Variants in BTNL2 observed in about 807,000 individuals in gnomAD.
BTNL2 encodes butyrophilin-like protein 2.
A neutral mutation model predicts 46.8 loss-of-function variants in BTNL2; 46 were observed. That is an observed-to-expected ratio of 0.98 (90% CI 0.78 to 1.26). The LOEUF is 1.26. BTNL2 is among the 50% of genes most tolerant of loss of function. The pLI is 0.00. For synonymous variants in BTNL2, 226 were observed against 229.1 expected (o/e 0.99, Z 0.12); for missense variants, 461 against 592.6 (o/e 0.78, Z 2.31).
At chr6:32,398,909 T>C (rs968245013) in intron 4 of BTNL2, among the ~76,000 whole-genome samples, 1 of 148,352 alleles carries the variant, frequency 6.7e-6, no homozygotes, top group Admixed American at 6.9e-5. Context: ...GGAGCCACTA[T>C]GCCTAACCCA....
In BTNL2 at chr6:32,396,240, C is replaced by A; in HGVS notation, c.877G>T (p.Val293Leu). Residue 293 changes from valine to leucine, a missense_variant, in exon 5 of 8, where the codon GTG (valine) becomes TTG (leucine). By Grantham distance (32) the Val-to-Leu change is conservative. Coordinates refer to ENST00000454136, the MANE Select transcript of BTNL2 (RefSeq NM_001304561.2). This position sits in a 1 kb window ranked among gnomAD's most constrained non-coding sequence, Gnocchi z 4.4. ...DRSHRYPAVH[V>L]YMDGDHVAGE... ...GCCACATGGTCCCCATCCATATACA[C>A]ATGCACAGCAGGGTAACGGTGGGAT... 1.9e-6 allele frequency: 3 copies of A among 1,613,104 alleles called. No homozygotes were observed. Among genetic ancestry groups the A allele is most frequent in the Non-Finnish European group, 2.5e-6 (3 of 1,180,026 alleles).
Position 32,396,493 on chromosome 6 carries a change from G to T in BTNL2, c.731-107C>A. ...GTTTAGAAACCATGAGCATCCCAGGGTTGCTGTGAGGCTCAGGGTCATCCT... is the reference window on the plus strand; with the variant it reads ...GTTTAGAAACCATGAGCATCCCAGGTTTGCTGTGAGGCTCAGGGTCATCCT... On this transcript the variant is annotated intron_variant, in intron 4 of 7. Coordinates refer to ENST00000454136, the MANE Select transcript of BTNL2 (RefSeq NM_001304561.2). This position sits in a 1 kb window ranked among gnomAD's most constrained non-coding sequence, Gnocchi z 4.4. 9.0e-7 allele frequency: 1 copy of T among 1,116,252 alleles called. No homozygotes were observed. The highest frequency in any genetic ancestry group is 1.3e-6 in the Non-Finnish European group (1 of 764,540). 69.1% of individuals were successfully genotyped at this position (1,116,252 alleles called of 1,614,324 possible). A position where few individuals can be genotyped will look rare whatever the true frequency, so the allele number is the denominator to read the frequency against.
Position 32,396,476 on chromosome 6 carries a change from A to G in BTNL2, c.731-90T>C. On this transcript the variant is annotated intron_variant, in intron 4 of 7. Transcript: ENST00000454136. The surrounding 1 kb of genome is among the most constrained non-coding windows in gnomAD (Gnocchi z 4.4). Reference sequence around the variant, plus strand: ...AGAACAGCTCCATTGGAGTTTAGAAACCATGAGCATCCCAGGGTTGCTGTG... The same window carrying G: ...AGAACAGCTCCATTGGAGTTTAGAAGCCATGAGCATCCCAGGGTTGCTGTG... The G allele has an allele frequency of 1.6e-6, 2 of 1,285,772 alleles. No individual in the cohort carries two copies. The highest frequency in any genetic ancestry group is 2.2e-6 in the Non-Finnish European group (2 of 917,508). 79.6% of individuals were successfully genotyped at this position (1,285,772 alleles called of 1,614,324 possible).
Position 32,405,797 on chromosome 6 carries a change from T to C in BTNL2, c.80-511A>G, listed in dbSNP as rs1004106355. Among the ~76,000 whole-genome samples, 4 of 133,954 alleles carry C rather than the reference T, an allele frequency of 3.0e-5. No individual in the cohort carries two copies. In the Admixed American group the frequency reaches 3.1e-4, roughly 10 times the overall value. 87.9% of individuals were successfully genotyped at this position (133,954 alleles called of 152,430 possible). A position where few individuals can be genotyped will look rare whatever the true frequency, so the allele number is the denominator to read the frequency against. On this transcript the variant is annotated intron_variant, in intron 1 of 7. Coordinates refer to ENST00000454136, the MANE Select transcript of BTNL2 (RefSeq NM_001304561.2). ...CTTTCAGGATTCCTCTTCTCTTAGA[T>C]ATAAAAACTGTTTTTTTTTTGTTTT...
chr6:32,394,968 G>C lies in BTNL2; in HGVS notation c.1136C>G (p.Pro379Arg). 1 of 1,613,042 alleles carries C rather than the reference G, an allele frequency of 6.2e-7. No homozygotes were observed. The highest frequency in any genetic ancestry group is 8.5e-7 in the Non-Finnish European group (1 of 1,179,420). Reference protein sequence around the residue: ...VEGQEDGEMQPMCSSDGWFPQ... With the variant: ...VEGQEDGEMQRMCSSDGWFPQ... ...GAACCACCCATCTGAAGAGCACATC[G>C]GCTGCATTTCTCCATCTTCTTGCCC... is the stretch of plus-strand genomic sequence containing the variant. The change falls in exon 6 of 8, where the codon CCG becomes CGG. Residue 379 changes from proline (P) to arginine (R), a missense_variant. Physicochemically the swap from Pro to Arg is moderately radical, Grantham distance 103. Coordinates refer to ENST00000454136, the MANE Select transcript of BTNL2 (RefSeq NM_001304561.2). This position sits in a 1 kb window ranked among gnomAD's most constrained non-coding sequence, Gnocchi z 4.6.
chr6:32,404,744 T>C (rs1009628262), intron 2 of BTNL2, among the ~76,000 whole-genome samples, 195 bp downstream of exon 2: 1 of 152,194 alleles, frequency 6.6e-6, no homozygotes, highest in African/African-American at 2.4e-5. Flanking sequence ...ACTGTGCAAA[T>C]TAAATTTGGG....
intron 5 of BTNL2, 63 bp from the exon 6 acceptor site, chr6:32,395,088 C>A: frequency 6.7e-6 from 10 of 1,483,848 alleles, no homozygotes; most frequent in Non-Finnish European, 9.0e-6. Context: ...GCAGCAATTT[C>A]ACTGGGAGGA....
intron 3 of BTNL2, among the ~76,000 whole-genome samples, chr6:32,402,334 A>G (rs1776835560): frequency 6.6e-6 from 1 of 152,206 alleles, no homozygotes; most frequent in African/African-American, 2.4e-5. Flanking sequence ...ATTTAAGGCC[A>G]GTAACTTTTA....
In BTNL2 at chr6:32,394,893, G is replaced by A. The variant is rs1776349175; in HGVS notation, c.1211C>T (p.Ser404Leu). The A allele has an allele frequency of 1.2e-6, 2 of 1,614,230 alleles. No homozygotes were observed. The highest frequency in any genetic ancestry group is 1.7e-6 in the Non-Finnish European group (2 of 1,180,034). ...WRDMEGKTIPSSSQALTQGSH... is the reference protein window; with the variant it reads ...WRDMEGKTIPLSSQALTQGSH... ...GCCTTGAGTCAGGGCCTGGGAAGAT[G>A]ATGGTATCGTCTTTCCTTCCATGTC... Residue 404 changes from serine (S) to leucine (L), a missense_variant, in exon 6 of 8, where the codon TCA (serine) becomes TTA (leucine). Coordinates refer to ENST00000454136, the MANE Select transcript of BTNL2 (RefSeq NM_001304561.2). This position sits in a 1 kb window ranked among gnomAD's most constrained non-coding sequence, Gnocchi z 4.6.
rs1405388951 is a variant in BTNL2, at chr6:32,405,256, G to A, written c.110C>T (p.Pro37Leu). The A allele has an allele frequency of 6.2e-7, 1 of 1,613,024 alleles. No individual in the cohort carries two copies. Among genetic ancestry groups the A allele is most frequent in the East Asian group, 2.2e-5 (1 of 44,878 alleles). ...EDFRVIGPAHPILAGVGEDAL... is the reference protein window; with the variant it reads ...EDFRVIGPAHLILAGVGEDAL... ...ATCTTCCCCAACCCCGGCCAGGATAGGATGAGCAGGGCCAATGACTCTAAA... is the reference window on the plus strand; with the variant it reads ...ATCTTCCCCAACCCCGGCCAGGATAAGATGAGCAGGGCCAATGACTCTAAA... Residue 37 changes from proline (P) to leucine (L), a missense_variant, in exon 2 of 8, where the codon CCT (proline) becomes CTT (leucine). Coordinates refer to ENST00000454136, the MANE Select transcript of BTNL2 (RefSeq NM_001304561.2).
intron 2 of BTNL2, among the ~76,000 whole-genome samples, chr6:32,403,417 G>A (rs557389837): frequency 2.0e-5 from 3 of 152,296 alleles, no homozygotes; most frequent in East Asian, 1.9e-4. Context: ...TTACATTTTA[G>A]CATCTGACCA....
chr6:32,406,480 C>T (rs1286858775), intron 1 of BTNL2: 1 of 151,922 alleles, frequency 6.6e-6, no homozygotes, highest in Non-Finnish European at 1.5e-5. Context: ...GCTGCATTTT[C>T]CTTAGGGCTC....
At chr6:32,400,821 G>C (rs1488324893) in intron 4 of BTNL2, among the ~76,000 whole-genome samples, 2 of 146,266 alleles carry the variant, frequency 1.4e-5, no homozygotes, top group African/African-American at 4.9e-5. Context: ...GCTGAAGCAG[G>C]AGAATAGCTT....
intron 2 of BTNL2, chr6:32,403,795 A>G (rs73400844): frequency 0.1 from 15,893 of 153,264 alleles, 964 homozygotes; most frequent in East Asian, 0.2. Context: ...TTCAATGGGT[A>G]AGATGGTTTT....
At chr6:32,402,326 T>G (rs554337584) in intron 3 of BTNL2, among the ~76,000 whole-genome samples, 68 of 152,316 alleles carry the variant, frequency 4.5e-4, no homozygotes, top group African/African-American at 1.6e-3. Flanking sequence ...TATAAGTTAT[T>G]TAAGGCCAGT....
Position 32,400,745 on chromosome 6 carries a change from T to TAAAAATACAAAAAA in BTNL2, c.730+1039_730+1040insTTTTTTGTATTTTT, listed in dbSNP as rs9281774. ...CAACATGGTGAAACCCCGTCTCTACTAAAAAAAAAAAAAAAAAATTAGCTG... is the reference window on the plus strand; with the variant it reads ...CAACATGGTGAAACCCCGTCTCTACTAAAAATACAAAAAAAAAAAAAAAAAAAAAAAATTAGCTG... On this transcript the variant is annotated intron_variant, in intron 4 of 7. Transcript: ENST00000454136. Among the ~76,000 whole-genome samples, 320 of 82,122 alleles carry TAAAAATACAAAAAA rather than the reference T, an allele frequency of 3.9e-3. 32 individuals are homozygous for TAAAAATACAAAAAA. The highest frequency in any genetic ancestry group is 5.5e-3 in the Admixed American group (42 of 7,590). 53.9% of individuals were successfully genotyped at this position (82,122 alleles called of 152,430 possible). A position where few individuals can be genotyped will look rare whatever the true frequency, so the allele number is the denominator to read the frequency against.
Position 32,394,660 on chromosome 6 carries a change from G to A in BTNL2, c.1360+84C>T. The A allele has an allele frequency of 1.4e-6, 2 of 1,446,308 alleles. No individual in the cohort carries two copies. Among genetic ancestry groups the A allele is most frequent in the East Asian group, 2.3e-5 (1 of 43,436 alleles). The allele number at this position is 1,446,308 out of a possible 1,614,324, so 89.6% of individuals were successfully genotyped here. On this transcript the variant is annotated intron_variant, in intron 6 of 7. Transcript: ENST00000454136. This position sits in a 1 kb window ranked among gnomAD's most constrained non-coding sequence, Gnocchi z 4.6. ...GAGATCAGCAAATAAAAATCACAAA[G>A]GAAGAAGAGCAATACAATGAGTAAG... is the stretch of plus-strand genomic sequence containing the variant.
chr6:32,398,683 C>T (rs1326464915), intron 4 of BTNL2, among the ~76,000 whole-genome samples: 1 of 152,178 alleles, frequency 6.6e-6, no homozygotes, highest in African/African-American at 2.4e-5. Context: ...CTGGCTTGCC[C>T]TGCCTGACAT....
In BTNL2 at chr6:32,403,192, TG is replaced by T. The variant is rs60740710; in HGVS notation, c.451del (p.His151ThrfsTer96). On this transcript the variant is annotated frameshift_variant, in exon 3 of 8. Coordinates refer to ENST00000454136, the MANE Select transcript of BTNL2 (RefSeq NM_001304561.2). LOFTEE classifies it high-confidence loss of function. ...TCCACTCTCCCCAGGTCCCTCCATGTGGATGCTAGGGGCAGACCCCAGACCT... is the reference window on the plus strand; with the variant it reads ...TCCACTCTCCCCAGGTCCCTCCATGTGATGCTAGGGGCAGACCCCAGACCT... ...VAGLGSAPSI[H>X]MEGPGESGVQ... is the part of the protein sequence containing the mutation. 0.08 allele frequency: 128,963 copies of T among 1,606,212 alleles called. 6,764 individuals carry two copies. The highest frequency in any genetic ancestry group is 0.19 in the East Asian group (8,438 of 44,670).
Sources: allele counts gnomAD v4.1 joint callset (sites outside exome capture counted in the v4.1 genomes callset), GRCh38; gene constraint gnomAD v4.1.1; non-coding constraint Gnocchi (gnomAD v3.1); transcripts MANE v1.5; gene names NCBI Gene and HGNC (gene_info 2026-07-23, HGNC 2026-07-21).